PDE4D: variants seen among roughly 807,000 people sequenced by gnomAD.
PDE4D encodes phosphodiesterase 4D.
PDE4D carries 24 observed loss-of-function variants against 87.4 expected under a neutral mutation model. The ratio of observed to expected loss-of-function variants is 0.27; its 90% CI spans 0.20 to 0.39. The LOEUF is 0.39. PDE4D is among the 10% of genes least tolerant of loss of function. The probability of loss-of-function intolerance (pLI) is 1.00; values close to 1 mark genes in which losing one functional copy is unlikely to be tolerated. For synonymous variants in PDE4D, 384 were observed against 383.2 expected, an observed-to-expected ratio of 1.00 and a Z score of -0.02; for missense variants, 714 against 1,041.0, an observed-to-expected ratio of 0.69 and a Z score of 4.32.
intron 1 of PDE4D, among the ~76,000 whole-genome samples, chr5:59,825,894 C>G (rs72751283): frequency 1.3e-5 from 2 of 152,012 alleles, no homozygotes; most frequent in Non-Finnish European, 1.5e-5. Context: ...ATTAATTGAG[C>G]CTTCCTTCTC....
intron 1 of PDE4D, among the ~76,000 whole-genome samples, chr5:59,628,401 A>C (rs975040949): frequency 6.6e-6 from 1 of 152,224 alleles, no homozygotes; most frequent in Non-Finnish European, 1.5e-5. Flanking sequence ...GAAATGTTCT[A>C]TATCTGTGCT....
intron 1 of PDE4D, among the ~76,000 whole-genome samples, chr5:59,478,842 C>T (rs1344193442): frequency 6.6e-6 from 1 of 152,040 alleles, no homozygotes; most frequent in East Asian, 1.9e-4. Context: ...GAGCCACATT[C>T]AACTAGAAAA....
intron 1 of PDE4D, among the ~76,000 whole-genome samples, chr5:59,496,439 A>G (rs1367084174): frequency 6.6e-6 from 1 of 152,084 alleles, no homozygotes; most frequent in African/African-American, 2.4e-5. Context: ...CTGGGGGTGG[A>G]GCCCTCGCCA....
chr5:59,039,084 G>C, intron 5 of PDE4D, 113 bp from the exon 6 acceptor site: 1 of 1,470,972 alleles, frequency 6.8e-7, no homozygotes, highest in South Asian at 1.4e-5. Flanking sequence ...GCCCGGTGCC[G>C]GCACATGAGG....
chr5:60,263,765 T>C (rs1055978820), intron 1 of PDE4D, among the ~76,000 whole-genome samples: 2 of 152,104 alleles, frequency 1.3e-5, no homozygotes, highest in Non-Finnish European at 2.9e-5. Flanking sequence ...AAACCTATTA[T>C]GAAAAATAAA....
At chr5:59,149,009 C>T (rs1017515825) in intron 5 of PDE4D, among the ~76,000 whole-genome samples, 2 of 152,030 alleles carry the variant, frequency 1.3e-5, no homozygotes, top group African/African-American at 4.8e-5. Flanking sequence ...AGATGCCAGA[C>T]CTGTTTGGTA....
intron 1 of PDE4D, among the ~76,000 whole-genome samples, chr5:59,802,331 G>A (rs1277964893): frequency 6.7e-6 from 1 of 150,298 alleles, no homozygotes; most frequent in African/African-American, 2.4e-5. Context: ...AAGCAGGAAA[G>A]TAATGCCCTT....
intron 1 of PDE4D, among the ~76,000 whole-genome samples, chr5:59,417,523 A>G (rs767193941): frequency 2.6e-5 from 4 of 152,188 alleles, no homozygotes; most frequent in Admixed American, 6.6e-5. Flanking sequence ...TTGGTTAAAA[A>G]GAAAAAGCTG....
intron 1 of PDE4D, among the ~76,000 whole-genome samples, chr5:59,532,230 G>T (rs1381534534): frequency 6.6e-6 from 1 of 152,094 alleles, no homozygotes; most frequent in Non-Finnish European, 1.5e-5. Context: ...TGCCTCCTGG[G>T]TTCAAGCCAT....
chr5:59,456,328 T>C (rs1002784955), intron 1 of PDE4D, among the ~76,000 whole-genome samples: 1 of 152,190 alleles, frequency 6.6e-6, no homozygotes, highest in African/African-American at 2.4e-5. Context: ...TAAGATCTGA[T>C]GGCTTTAAAA....
intron 1 of PDE4D, among the ~76,000 whole-genome samples, chr5:59,261,958 T>C (rs1176449050): frequency 1.3e-5 from 2 of 151,902 alleles, no homozygotes; most frequent in Non-Finnish European, 2.9e-5. Context: ...ATATTCCAGA[T>C]TTATTTTATA....
chr5:60,497,425 C>T (rs1402107557), intron 1 of PDE4D, among the ~76,000 whole-genome samples: 1 of 151,700 alleles, frequency 6.6e-6, no homozygotes, highest in Non-Finnish European at 1.5e-5. Flanking sequence ...GTTTTTGAGG[C>T]AGGATCTTGC....
At chr5:59,284,847 T>G (rs1273176024) in intron 1 of PDE4D, among the ~76,000 whole-genome samples, 8 of 42,852 alleles carry the variant, frequency 1.9e-4, no homozygotes, top group African/African-American at 7.3e-4. Flanking sequence ...ATTAAGAAAA[T>G]GTGGCACATA....
intron 6 of PDE4D, among the ~76,000 whole-genome samples, chr5:59,000,251 G>A (rs1198941979): frequency 6.6e-6 from 1 of 152,120 alleles, no homozygotes; most frequent in Non-Finnish European, 1.5e-5. Context: ...CTTTTGGAGG[G>A]CATTTTCTAT....
At chr5:59,747,409 T>C (rs1317714201) in intron 1 of PDE4D, among the ~76,000 whole-genome samples, 2 of 152,210 alleles carry the variant, frequency 1.3e-5, no homozygotes, top group African/African-American at 2.4e-5. Flanking sequence ...CCAACCTTTT[T>C]CAAACCGTGC....
intron 1 of PDE4D, among the ~76,000 whole-genome samples, chr5:60,251,279 G>T (rs1304666420): frequency 2.0e-5 from 3 of 151,414 alleles, no homozygotes; most frequent in Non-Finnish European, 4.4e-5. Context: ...ATGTCATGGG[G>T]GTTTGGTGTA....
chr5:59,031,372 T>G (rs1757368150), intron 6 of PDE4D, among the ~76,000 whole-genome samples: 1 of 32,756 alleles, frequency 3.1e-5, no homozygotes, highest in Non-Finnish European at 7.3e-5. Flanking sequence ...GATATATATA[T>G]ATATATATAT....
At position 59,662,457 on chromosome 5, in the gene PDE4D, C is replaced by A. The variant is rs552713037; in HGVS notation, c.455+230711G>T. 3.0e-4 allele frequency among the ~76,000 whole-genome samples: 46 copies of A among 152,228 alleles called. No homozygotes were observed. In the South Asian group the frequency reaches 8.9e-3, roughly 29 times the overall value. ...CCTGAATATCTGTTGTTTGTCAAAACCATTTGAATCCTTTTAGTTTCAGTT... is the reference window on the plus strand; with the variant it reads ...CCTGAATATCTGTTGTTTGTCAAAAACATTTGAATCCTTTTAGTTTCAGTT... On this transcript the variant is annotated intron_variant, in intron 1 of 14. Transcript: ENST00000340635.
intron 1 of PDE4D, among the ~76,000 whole-genome samples, chr5:59,557,567 T>C (rs562699432): frequency 2.0e-5 from 3 of 152,302 alleles, no homozygotes; most frequent in Admixed American, 6.5e-5. Context: ...TAGAGTATAC[T>C]TCAGAAATAA....
Sources: allele counts gnomAD v4.1 joint callset (sites outside exome capture counted in the v4.1 genomes callset), GRCh38; gene constraint gnomAD v4.1.1; transcripts MANE v1.5; gene names NCBI Gene and HGNC (gene_info 2026-07-23, HGNC 2026-07-21).